The following DNAH12 variants were observed in gnomAD, a reference collection of about 807,000 sequenced individuals.
The protein encoded by DNAH12 is axonemal beta dynein heavy chain 12.
Under a neutral mutation model 371.5 loss-of-function variants are expected in DNAH12, and 285 were observed. The observed-to-expected ratio is 0.77, with a 90% CI of 0.70 to 0.85. The LOEUF (loss-of-function observed/expected upper bound fraction) is 0.85. Among genes scored for constraint, DNAH12 ranks in the 40% least tolerant of loss-of-function variants. The pLI, the probability that DNAH12 is intolerant of heterozygous loss-of-function variation, is 0.00. For synonymous variants in DNAH12, 1,200 were observed against 1,213.0 expected (o/e 0.99, Z 0.22); for missense variants, 3,611 against 3,689.4 (o/e 0.98, Z 0.55).
Position 57,343,722 on chromosome 3 carries a change from G to A in DNAH12, c.9674+8363C>T, listed in dbSNP as rs1283958321. On this transcript the variant is annotated intron_variant, in intron 60 of 73. Transcript: ENST00000495027. ...GGCCACTGTCTCCTGCCTGCCCCTGGGAACTGAATGTCTCGGTATAAAACC... is the reference window on the plus strand; with the variant it reads ...GGCCACTGTCTCCTGCCTGCCCCTGAGAACTGAATGTCTCGGTATAAAACC... Among the ~76,000 whole-genome samples, 4 of 152,106 alleles carry A rather than the reference G, an allele frequency of 2.6e-5. 1 individual carries two copies. The highest frequency in any genetic ancestry group is 5.9e-5 in the Non-Finnish European group (4 of 68,018).
In DNAH12 at chr3:57,436,938, T is replaced by C. The variant is rs768559142; in HGVS notation, c.4655+13A>G. 2.9e-6 allele frequency: 4 copies of C among 1,360,152 alleles called. No homozygotes were observed. In the Admixed American group the frequency reaches 9.6e-5, roughly 33 times the overall value. 84.3% of individuals were successfully genotyped at this position (1,360,152 alleles called of 1,614,324 possible). A position where few individuals can be genotyped will look rare whatever the true frequency, so the allele number is the denominator to read the frequency against. Reference sequence around the variant, plus strand: ...AAGAAATAACATCTAACTATAGCAATATATAATCTTACCCATGTCTAACAA... The same window carrying C: ...AAGAAATAACATCTAACTATAGCAACATATAATCTTACCCATGTCTAACAA... On this transcript the variant is annotated intron_variant, in intron 30 of 73. Transcript: ENST00000495027.
chr3:57,363,682 G>A lies in DNAH12; in HGVS notation c.9272C>T (p.Ser3091Leu), dbSNP rs1402166124. The A allele has an allele frequency of 6.6e-6, 1 of 152,064 alleles. No individual in the cohort carries two copies. Among genetic ancestry groups the A allele is most frequent in the Admixed American group, 6.6e-5 (1 of 15,250 alleles). 9.4% of individuals were successfully genotyped at this position (152,064 alleles called of 1,614,324 possible). A position where few individuals can be genotyped will look rare whatever the true frequency, so the allele number is the denominator to read the frequency against. ...TTCATCTTCTAAAATGTTTCCTTCT[G>A]ATGATGATAATGTTTCTAAAATTTT... is the stretch of plus-strand genomic sequence containing the variant. ...EKKILETLSS[S>L]EGNILEDESA... is the part of the protein sequence containing the mutation. The change falls in exon 58 of 74, where the codon TCA becomes TTA. Residue 3091 changes from serine (S) to leucine (L), a missense_variant. Physicochemically the swap from Ser to Leu is moderately radical, Grantham distance 145. Transcript: ENST00000495027.
rs1291847484 is a variant in DNAH12, at chr3:57,454,796, T to G, written c.3435A>C (p.Glu1145Asp). Residue 1145 changes from glutamate (E) to aspartate (D), a missense_variant, in exon 23 of 74, where the codon GAA (glutamate) becomes GAC (aspartate). Transcript: ENST00000495027. ...TTACCTCCGTCCCGCCACTTATCAC[T>G]TCCTGTGTCTCAGATGTCCAGAACA... ...SQMFWTSETQ[E>D]VISGGTEGLK... 1.9e-6 allele frequency: 3 copies of G among 1,551,386 alleles called. No homozygotes were observed. The highest frequency in any genetic ancestry group is 1.7e-6 in the Non-Finnish European group (2 of 1,146,812).
intron 60 of DNAH12, among the ~76,000 whole-genome samples, chr3:57,346,644 A>G (rs1386871537): frequency 6.6e-6 from 1 of 152,188 alleles, no homozygotes; most frequent in Non-Finnish European, 1.5e-5. Context: ...GTCTAAATAC[A>G]TCAATTAAAA....
Position 57,342,950 on chromosome 3 carries a change from G to A in DNAH12, c.9675-8010C>T, listed in dbSNP as rs2062442729. 2.0e-5 allele frequency among the ~76,000 whole-genome samples: 3 copies of A among 151,952 alleles called. No homozygotes were observed. The South Asian group carries it at 6.2e-4, about 32-fold the overall frequency. ...TAGCCAAGCATGGTGGCTTGTGCCT[G>A]TGTCCCAGCTACTTGGGAAGCTGGG... On this transcript the variant is annotated intron_variant, in intron 60 of 73. Coordinates refer to ENST00000495027, the MANE Select transcript of DNAH12 (RefSeq NM_001366028.2).
intron 4 of DNAH12, chr3:57,519,728 G>C: frequency 6.2e-7 from 1 of 1,611,258 alleles, no homozygotes; most frequent in Non-Finnish European, 8.5e-7. Flanking sequence ...CGATTGTTCT[G>C]TTTCACCCAC....
At chr3:57,387,689 T>C (rs2063524877) in intron 45 of DNAH12, among the ~76,000 whole-genome samples, 2 of 152,058 alleles carry the variant, frequency 1.3e-5, no homozygotes, top group African/African-American at 4.8e-5. Flanking sequence ...ACATAAGCAG[T>C]TGTTGGGTGG....
At position 57,520,075 on chromosome 3, in the gene DNAH12, T is replaced by TCG. The variant is rs1553718116; in HGVS notation, c.279+3507_279+3508insCG. The TCG allele has an allele frequency of 2.1e-4, 124 of 578,224 alleles. 1 individual carries two copies. Among genetic ancestry groups the TCG allele is most frequent in the African/African-American group, 1.6e-3 (85 of 53,006 alleles). The allele number at this position is 578,224 out of a possible 1,614,324, so 35.8% of individuals were successfully genotyped here. The stretch of plus-strand genomic sequence containing the variant: ...AAAGCCGGAGGCTGTGGCGGCTCTG[T>TCG]GGCTACAGCGTTACCTTATCTTTCT... On this transcript the variant is annotated intron_variant, in intron 4 of 73. Transcript: ENST00000495027.
chr3:57,533,172 AG>A (rs926407768), intron 2 of DNAH12, among the ~76,000 whole-genome samples: 1 of 152,134 alleles, frequency 6.6e-6, no homozygotes, highest in African/African-American at 2.4e-5. Flanking sequence ...TTAAGGCCCA[AG>A]GGCTCTTCAA....
chr3:57,354,657 C>T (rs1041467650), intron 59 of DNAH12, among the ~76,000 whole-genome samples: 215 of 152,038 alleles, frequency 1.4e-3, no homozygotes, highest in African/African-American at 4.0e-3. Context: ...CACAAATACA[C>T]GTACATGAAT....
chr3:57,516,428 A>T (rs1053917444), intron 4 of DNAH12, among the ~76,000 whole-genome samples: 1 of 152,002 alleles, frequency 6.6e-6, no homozygotes, highest in Admixed American at 6.6e-5. Flanking sequence ...CAATGGGCTG[A>T]CCTCTGTCTA....
rs140714708 is a variant in DNAH12, at chr3:57,350,209, C to T, written c.9674+1876G>A. ...GTACACTGCTCTGGTGATGGGTGCACCAAAATCTCAGAAATCACCACTAAA... is the reference window on the plus strand; with the variant it reads ...GTACACTGCTCTGGTGATGGGTGCATCAAAATCTCAGAAATCACCACTAAA... On this transcript the variant is annotated intron_variant, in intron 60 of 73. Transcript: ENST00000495027. Among the ~76,000 whole-genome samples the T allele has an allele frequency of 3.7e-3, 565 of 151,994 alleles. 5 individuals are homozygous for T. The highest frequency in any genetic ancestry group is 0.013 in the African/African-American group (539 of 41,462).
Position 57,445,300 on chromosome 3 carries a change from A to G in DNAH12, c.4299T>C (p.Tyr1433=). ...RPLSVKIVMT[Y]RLCSEQLSSQ... ...ATGAGAGCTGCTCTGAGCAAAGCCT[A>G]TAGGTCATTACTATTTTCACAGACA... Residue 1433 remains tyrosine, a synonymous_variant, in exon 28 of 74, where the codon TAT becomes TAC. Coordinates refer to ENST00000495027, the MANE Select transcript of DNAH12 (RefSeq NM_001366028.2). 1.3e-6 allele frequency: 2 copies of G among 1,551,676 alleles called. No homozygotes were observed. Among genetic ancestry groups the G allele is most frequent in the African/African-American group, 1.4e-5 (1 of 73,172 alleles).
intron 45 of DNAH12, among the ~76,000 whole-genome samples, chr3:57,389,241 A>AAC (rs1395921995): frequency 2.6e-5 from 4 of 151,728 alleles, no homozygotes; most frequent in Non-Finnish European, 4.4e-5. Context: ...GAAAAAAAAA[A>AAC]AACATTACAG....
chr3:57,299,687 A>G (rs2061306206), intron 70 of DNAH12, among the ~76,000 whole-genome samples: 1 of 152,154 alleles, frequency 6.6e-6, no homozygotes, highest in Non-Finnish European at 1.5e-5. Flanking sequence ...CCTTATAAGA[A>G]GAAACAGAAG....
At chr3:57,374,674 T>C (rs2063244724) in intron 55 of DNAH12, among the ~76,000 whole-genome samples, 1 of 151,980 alleles carries the variant, frequency 6.6e-6, no homozygotes, top group South Asian at 2.1e-4. Context: ...GGAGAATACA[T>C]AAACAGTGAT....
At chr3:57,362,329 G>A (rs1286442543) in intron 58 of DNAH12, among the ~76,000 whole-genome samples, 78 of 152,174 alleles carry the variant, frequency 5.1e-4, no homozygotes, top group African/African-American at 1.7e-3. Flanking sequence ...ATAAACATAC[G>A]TGTGCATGTG....
intron 65 of DNAH12, among the ~76,000 whole-genome samples, 157 bp downstream of exon 65, chr3:57,322,186 G>T (rs1310190290): frequency 6.6e-6 from 1 of 152,078 alleles, no homozygotes; most frequent in Non-Finnish European, 1.5e-5. Flanking sequence ...ATAAAATGGT[G>T]AACAAGATAA....
intron 2 of DNAH12, among the ~76,000 whole-genome samples, chr3:57,531,268 T>C (rs1454053667): frequency 1.3e-5 from 2 of 152,232 alleles, no homozygotes; most frequent in Non-Finnish European, 2.9e-5. Context: ...CTCTTTCATG[T>C]TTAAAGCATA....
Sources: allele counts gnomAD v4.1 joint callset (sites outside exome capture counted in the v4.1 genomes callset), GRCh38; gene constraint gnomAD v4.1.1; transcripts MANE v1.5; gene names NCBI Gene and HGNC (gene_info 2026-07-23, HGNC 2026-07-21).